The following SPHKAP variants were observed in gnomAD, a reference collection of about 807,000 sequenced individuals.
SPHKAP encodes the protein SPHK1 interactor, AKAP domain containing.
A neutral mutation model predicts 137.5 loss-of-function variants in SPHKAP; 67 were observed. That is an observed-to-expected ratio of 0.49 (90% CI 0.40 to 0.60). The LOEUF (loss-of-function observed/expected upper bound fraction) is 0.60, where lower values mean the gene tolerates loss of function less well. Ranked by LOEUF, SPHKAP falls within the 20% of genes least tolerant of loss-of-function variation. The pLI, the probability that SPHKAP is intolerant of heterozygous loss-of-function variation, is 0.00. For missense variants in SPHKAP, 2,097 were observed against 2,069.3 expected (o/e 1.01, Z -0.26); for synonymous variants, 813 against 785.3 (o/e 1.04, Z -0.59).
chr2:228,006,004 G>A (rs938089031), intron 7 of SPHKAP, among the ~76,000 whole-genome samples: 1 of 152,116 alleles, frequency 6.6e-6, no homozygotes, highest in African/African-American at 2.4e-5. Context: ...TGATGAATGT[G>A]ACAATTATGT....
chr2:228,043,358 G>A lies in SPHKAP; in HGVS notation c.247-15815C>T, dbSNP rs535832197. Among the ~76,000 whole-genome samples, 5 of 152,250 alleles carry A rather than the reference G, an allele frequency of 3.3e-5. No individual in the cohort carries two copies. The East Asian group carries it at 7.7e-4, about 24-fold the overall frequency. On this transcript the variant is annotated intron_variant, in intron 3 of 11. Coordinates refer to ENST00000392056, the MANE Select transcript of SPHKAP (RefSeq NM_001142644.2). The stretch of plus-strand genomic sequence containing the variant: ...TCCTTTTGTTTTGAGATGGAGTCTC[G>A]CTTTGTCGCCCAGGCTGGAGTGCAG...
At chr2:227,986,320 T>A (rs1430244697) in intron 11 of SPHKAP, among the ~76,000 whole-genome samples, 4 of 152,212 alleles carry the variant, frequency 2.6e-5, no homozygotes, top group Non-Finnish European at 5.9e-5. Flanking sequence ...AACTCAGGAA[T>A]GGAAAACCTA....
chr2:228,065,388 T>A (rs1310332977), intron 3 of SPHKAP, among the ~76,000 whole-genome samples: 1 of 152,168 alleles, frequency 6.6e-6, no homozygotes. Context: ...AGGCAAGGAT[T>A]GAAAACAAGT....
intron 3 of SPHKAP, among the ~76,000 whole-genome samples, chr2:228,087,828 T>C (rs1404172676): frequency 6.6e-6 from 1 of 151,802 alleles, no homozygotes; most frequent in East Asian, 1.9e-4. Context: ...CTACATACAA[T>C]GGGAATATCA....
At chr2:228,134,248 GGAAGGAA>G in intron 1 of SPHKAP, among the ~76,000 whole-genome samples, 1 of 150,668 alleles carries the variant, frequency 6.6e-6, no homozygotes, top group Non-Finnish European at 1.5e-5. Context: ...AAGGAAGGAA[GGAAGGAA>G]GGAAAGAAAT....
intron 1 of SPHKAP, among the ~76,000 whole-genome samples, chr2:228,171,414 C>T (rs1700581391): frequency 6.6e-6 from 1 of 152,114 alleles, no homozygotes; most frequent in Non-Finnish European, 1.5e-5. Context: ...ATTTTCCCAA[C>T]ATAGAGAATA....
Position 228,133,306 on chromosome 2 carries a change from C to CAAATAAAT in SPHKAP, c.33-1229_33-1222dup, listed in dbSNP as rs61240096. 9.2e-3 allele frequency among the ~76,000 whole-genome samples: 1,368 copies of CAAATAAAT among 148,394 alleles called. 16 individuals carry two copies. Among genetic ancestry groups the CAAATAAAT allele is most frequent in the African/African-American group, 0.025 (999 of 39,902 alleles). On this transcript the variant is annotated intron_variant, in intron 1 of 11. Coordinates refer to ENST00000392056, the MANE Select transcript of SPHKAP (RefSeq NM_001142644.2). ...TGGGCCACAGAGTGAGACTCCATCT[C>CAAATAAAT]AAATAAATAAATAAATAAATAAATA...
At chr2:228,135,467 C>A (rs550165095) in intron 1 of SPHKAP, among the ~76,000 whole-genome samples, 1 of 152,132 alleles carries the variant, frequency 6.6e-6, no homozygotes, top group African/African-American at 2.4e-5. Context: ...TTTAGATAGA[C>A]AATCTGCTAC....
chr2:228,089,227 C>T (rs528571101), intron 3 of SPHKAP, among the ~76,000 whole-genome samples: 13 of 152,328 alleles, frequency 8.5e-5, no homozygotes, highest in African/African-American at 3.1e-4. Flanking sequence ...AAAGGTCACA[C>T]TTGTTATGCC....
At chr2:228,074,864 C>A (rs2106306324) in intron 3 of SPHKAP, among the ~76,000 whole-genome samples, 1 of 152,094 alleles carries the variant, frequency 6.6e-6, no homozygotes, top group Middle Eastern at 3.4e-3. Context: ...CTGTTTTCCC[C>A]AATCCTTCTT....
rs1051391324 is a variant in SPHKAP, at chr2:228,016,813, A to C, written c.4041T>G (p.Cys1347Trp). 1 of 1,614,046 alleles carries C rather than the reference A, an allele frequency of 6.2e-7. No homozygotes were observed. Among genetic ancestry groups the C allele is most frequent in the Non-Finnish European group, 8.5e-7 (1 of 1,179,998 alleles). Residue 1347 changes from cysteine (C) to tryptophan (W), a missense_variant, in exon 7 of 12, where the codon TGT (cysteine) becomes TGG (tryptophan). Physicochemically the swap from Cys to Trp is radical, Grantham distance 215. Transcript: ENST00000392056. ...TCCTGCTCGCAGCTAATCTATTTGCACACTTCTCTGCTTGCGAGGGAGAGC... is the reference window on the plus strand; with the variant it reads ...TCCTGCTCGCAGCTAATCTATTTGCCCACTTCTCTGCTTGCGAGGGAGAGC... ...SGGSPSQAEK[C>W]ANRLAASRMC...
At chr2:227,995,740 A>G (rs376570308) in intron 7 of SPHKAP, 46 bp from the exon 8 acceptor site, 29 of 1,486,594 alleles carry the variant, frequency 2.0e-5, no homozygotes, top group Middle Eastern at 4.7e-4. Context: ...GCACACACAC[A>G]CACACACAGA....
chr2:228,064,901 C>G (rs532805811), intron 3 of SPHKAP, among the ~76,000 whole-genome samples: 2 of 152,320 alleles, frequency 1.3e-5, no homozygotes, highest in African/African-American at 4.8e-5. Context: ...CACATCTTGA[C>G]TGCTTATTAT....
chr2:228,012,121 T>C (rs1694398809), intron 7 of SPHKAP, among the ~76,000 whole-genome samples: 1 of 139,588 alleles, frequency 7.2e-6, no homozygotes, highest in Non-Finnish European at 1.5e-5. Context: ...TGAGCCATGG[T>C]TGCACCACAG....
chr2:228,034,469 C>T (rs1248273910), intron 3 of SPHKAP, among the ~76,000 whole-genome samples: 2 of 152,084 alleles, frequency 1.3e-5, no homozygotes, highest in African/African-American at 2.4e-5. Flanking sequence ...GAACTGGTAC[C>T]ATTCCTTCTG....
Position 228,032,399 on chromosome 2 carries a change from G to A in SPHKAP, c.247-4856C>T, listed in dbSNP as rs147635219. ...CATTATGTGAAAAGACCAAATCTAC[G>A]TCTGATTGCTGTACCTGAAACTGAC... On this transcript the variant is annotated intron_variant, in intron 3 of 11. Coordinates refer to ENST00000392056, the MANE Select transcript of SPHKAP (RefSeq NM_001142644.2). 6.8e-3 allele frequency among the ~76,000 whole-genome samples: 1,040 copies of A among 152,266 alleles called. 16 individuals are homozygous for A. The highest frequency in any genetic ancestry group is 0.023 in the African/African-American group (969 of 41,552).
intron 1 of SPHKAP, among the ~76,000 whole-genome samples, chr2:228,166,742 A>G (rs893381918): frequency 4.1e-4 from 63 of 152,184 alleles, no homozygotes; most frequent in African/African-American, 1.4e-3. Flanking sequence ...GCTGAGTGTT[A>G]TTATGGTTAT....
intron 2 of SPHKAP, chr2:228,131,370 G>A (rs1195641856): frequency 4.4e-6 from 4 of 914,398 alleles, no homozygotes; most frequent in Non-Finnish European, 5.2e-6. Flanking sequence ...CAGGATCGTG[G>A]ACATTCTACT....
chr2:227,990,117 A>G (rs1341325078), intron 11 of SPHKAP, among the ~76,000 whole-genome samples: 1 of 152,174 alleles, frequency 6.6e-6, no homozygotes, highest in African/African-American at 2.4e-5. Flanking sequence ...AATTAGCACA[A>G]CAATCTGAAC....
Sources: allele counts gnomAD v4.1 joint callset (sites outside exome capture counted in the v4.1 genomes callset), GRCh38; gene constraint gnomAD v4.1.1; transcripts MANE v1.5; gene names NCBI Gene and HGNC (gene_info 2026-07-23, HGNC 2026-07-21).